The following NAV2 variants were observed in gnomAD, a reference collection of about 807,000 sequenced individuals.
The protein encoded by NAV2 is helicase, APC down-regulated 1.
NAV2 carries 54 observed loss-of-function variants against 223.2 expected under a neutral mutation model. The observed-to-expected ratio is 0.24, with a 90% CI of 0.19 to 0.30. NAV2 has a LOEUF of 0.30. Ranked by LOEUF, NAV2 falls within the 10% of genes least tolerant of loss-of-function variation. NAV2 has a pLI of 1.00. For synonymous variants in NAV2, 1,279 were observed against 1,239.3 expected, an observed-to-expected ratio of 1.03 and a Z score of -0.67; for missense variants, 2,806 against 3,147.5, an observed-to-expected ratio of 0.89 and a Z score of 2.60.
chr11:20,103,456 C>G lies in NAV2; in HGVS notation c.6572+47C>G, dbSNP rs547711076. On this transcript the variant is annotated intron_variant, in intron 33 of 37. Coordinates refer to ENST00000349880, the MANE Select transcript of NAV2 (RefSeq NM_145117.5). ...CATAGCCCCCCGGGAGAGAGTGCTG[C>G]CAGCTGATGGGGCACTGTGCACACA... 6 of 1,591,532 alleles carry G rather than the reference C, an allele frequency of 3.8e-6. No individual in the cohort carries two copies. The Admixed American group carries it at 6.8e-5, about 18-fold the overall frequency.
At chr11:19,939,301 C>T (rs2046200395) in intron 7 of NAV2, among the ~76,000 whole-genome samples, 1 of 152,092 alleles carries the variant, frequency 6.6e-6, no homozygotes, top group South Asian at 2.1e-4. Context: ...TGGCTGGTTA[C>T]TTAGAAGCTG....
intron 1 of NAV2, among the ~76,000 whole-genome samples, chr11:19,609,826 C>T (rs1193459011): frequency 6.6e-6 from 1 of 152,220 alleles, no homozygotes; most frequent in Non-Finnish European, 1.5e-5. Context: ...AAGAGTTGCT[C>T]AGTGGGTCCA....
chr11:19,815,137 C>A (rs531847450), intron 1 of NAV2, among the ~76,000 whole-genome samples: 7 of 151,896 alleles, frequency 4.6e-5, no homozygotes, highest in Admixed American at 2.6e-4. Flanking sequence ...GGGAAAAAAA[C>A]CCCTGCATGA....
rs536589879 is a variant in NAV2, at chr11:19,955,367, G to A, written c.2645+6287G>A. Reference sequence around the variant, plus strand: ...ATTACACCATTGCACTCCAACCTGGGTGACAGAGCAAGACCTTGTCTGAGA... The same window carrying A: ...ATTACACCATTGCACTCCAACCTGGATGACAGAGCAAGACCTTGTCTGAGA... On this transcript the variant is annotated intron_variant, in intron 10 of 37. Transcript: ENST00000349880. 7.5e-4 allele frequency among the ~76,000 whole-genome samples: 110 copies of A among 146,782 alleles called. 1 individual carries two copies. Among genetic ancestry groups the A allele is most frequent in the African/African-American group, 2.7e-3 (107 of 39,488 alleles).
rs141148458 is a variant in NAV2, at chr11:19,762,929, T to A, written c.267+48967T>A. On this transcript the variant is annotated intron_variant, in intron 1 of 37. Coordinates refer to ENST00000349880, the MANE Select transcript of NAV2 (RefSeq NM_145117.5). The stretch of plus-strand genomic sequence containing the variant: ...GCCCAGCCAGGGAAGTCTTTTTTAT[T>A]CCTTAACATCAATCTACTCCATAGG... 1.6e-4 allele frequency among the ~76,000 whole-genome samples: 24 copies of A among 152,214 alleles called. No homozygotes were observed. The East Asian group carries it at 4.4e-3, about 28-fold the overall frequency.
At chr11:19,457,371 C>A (rs1311040305) in intron 1 of NAV2, among the ~76,000 whole-genome samples, 1 of 152,012 alleles carries the variant, frequency 6.6e-6, no homozygotes, top group Non-Finnish European at 1.5e-5. Flanking sequence ...TGTGTGAAGA[C>A]CTCGGGACCT....
intron 3 of NAV2, among the ~76,000 whole-genome samples, chr11:19,847,264 G>T (rs902410819): frequency 4.6e-5 from 7 of 152,160 alleles, no homozygotes; most frequent in African/African-American, 9.7e-5. Context: ...GGCAGGGGGT[G>T]GTTTTCTTTT....
intron 1 of NAV2, among the ~76,000 whole-genome samples, chr11:19,456,498 C>T (rs1015709202): frequency 1.3e-5 from 2 of 152,140 alleles, no homozygotes; most frequent in African/African-American, 2.4e-5. Flanking sequence ...GCTGTGTTCT[C>T]ACAGCTCCTC....
At chr11:19,627,625 T>G (rs2047208296) in intron 1 of NAV2, among the ~76,000 whole-genome samples, 1 of 152,086 alleles carries the variant, frequency 6.6e-6, no homozygotes, top group South Asian at 2.1e-4. Context: ...TAGTCACAAT[T>G]GTCATGTAGG....
intron 1 of NAV2, among the ~76,000 whole-genome samples, chr11:19,442,710 G>A (rs1851448593): frequency 6.6e-6 from 1 of 152,178 alleles, no homozygotes; most frequent in South Asian, 2.1e-4. Flanking sequence ...CCACCAACTG[G>A]CTGTGTAAAC....
At chr11:19,590,005 T>C (rs1159100535) in intron 1 of NAV2, among the ~76,000 whole-genome samples, 2 of 152,186 alleles carry the variant, frequency 1.3e-5, no homozygotes, top group East Asian at 1.9e-4. Flanking sequence ...CAGTCTTGTG[T>C]AGTGGTGAAT....
At chr11:19,776,281 C>G (rs960706877) in intron 1 of NAV2, among the ~76,000 whole-genome samples, 3 of 152,150 alleles carry the variant, frequency 2.0e-5, no homozygotes, top group Non-Finnish European at 4.4e-5. Context: ...TGGAGGGTCA[C>G]TGCCAGATGA....
At chr11:20,000,805 C>A (rs1409842043) in intron 11 of NAV2, among the ~76,000 whole-genome samples, 1 of 152,160 alleles carries the variant, frequency 6.6e-6, no homozygotes, top group African/African-American at 2.4e-5. Flanking sequence ...GGGACGAACG[C>A]TTCCTCTCCC....
At position 20,001,089 on chromosome 11, in the gene NAV2, C is replaced by T. The variant is rs563654279; in HGVS notation, c.2768+16842C>T. On this transcript the variant is annotated intron_variant, in intron 11 of 37. Coordinates refer to ENST00000349880, the MANE Select transcript of NAV2 (RefSeq NM_145117.5). The stretch of plus-strand genomic sequence containing the variant: ...CCTGCTATCACACCCGCCTCGTCCC[C>T]AACATCTAAGCCGGCTGCACCAAAC... 4.9e-4 allele frequency among the ~76,000 whole-genome samples: 75 copies of T among 152,318 alleles called. No homozygotes were observed. The South Asian group carries it at 0.015, about 30-fold the overall frequency.
rs200910419 is a variant in NAV2, at chr11:19,466,984, T to TCTACACACACACAC, written c.75+115957_75+115958insCTACACACACACAC. On this transcript the variant is annotated intron_variant, in intron 1 of 37. Coordinates refer to the NAV2 transcript ENST00000360655. ...TCTTGTTCTCTCTTCTCTCTCTCTC[T>TCTACACACACACAC]ACACACACACACACACACACACACA... 2.5e-3 allele frequency among the ~76,000 whole-genome samples: 314 copies of TCTACACACACACAC among 125,154 alleles called. 2 individuals are homozygous for TCTACACACACACAC. The highest frequency in any genetic ancestry group is 9.2e-3 in the African/African-American group (302 of 32,650). 82.1% of individuals were successfully genotyped at this position (125,154 alleles called of 152,430 possible). A position where few individuals can be genotyped will look rare whatever the true frequency, so the allele number is the denominator to read the frequency against.
chr11:19,737,571 T>A (rs1028100064), intron 1 of NAV2, among the ~76,000 whole-genome samples: 9 of 152,244 alleles, frequency 5.9e-5, no homozygotes, highest in Non-Finnish European at 1.0e-4. Flanking sequence ...TCAAAGAGAC[T>A]GGATCCAAGA....
intron 25 of NAV2, 47 bp from the exon 26 acceptor site, chr11:20,082,960 A>G: frequency 6.4e-7 from 1 of 1,562,964 alleles, no homozygotes; most frequent in Non-Finnish European, 8.7e-7. Context: ...GCCAAGGCCT[A>G]AGCATTGGTT....
chr11:19,993,394 C>T (rs781753072), intron 11 of NAV2, among the ~76,000 whole-genome samples: 5 of 152,152 alleles, frequency 3.3e-5, no homozygotes, highest in Non-Finnish European at 5.9e-5. Context: ...CTGGAAATGA[C>T]CCACGTAACT....
chr11:19,720,328 C>T lies in NAV2; in HGVS notation c.267+6366C>T, dbSNP rs557983496. Among the ~76,000 whole-genome samples, 96 of 152,332 alleles carry T rather than the reference C, an allele frequency of 6.3e-4. No individual in the cohort carries two copies. In the South Asian group the frequency reaches 0.019, roughly 31 times the overall value. ...CTACACAAGACAATAGTGAGTGACA[C>T]AAAGTTTTTTGCAGGAACCCCCATT... On this transcript the variant is annotated intron_variant, in intron 1 of 37. Coordinates refer to ENST00000349880, the MANE Select transcript of NAV2 (RefSeq NM_145117.5).
Sources: allele counts gnomAD v4.1 joint callset (sites outside exome capture counted in the v4.1 genomes callset), GRCh38; gene constraint gnomAD v4.1.1; transcripts MANE v1.5; gene names NCBI Gene and HGNC (gene_info 2026-07-23, HGNC 2026-07-21).